HYCC2: variants seen among roughly 807,000 people sequenced by gnomAD.
HYCC2 encodes hyccin PI4KA lipid kinase complex subunit 2, also known as hyccin 2.
At chr2:201,036,114 C>T in the HYCC2 span, among the ~76,000 whole-genome samples, 51 of 152,116 alleles carry the variant, frequency 3.4e-4, no homozygotes, top group Non-Finnish European at 7.1e-4. Context: ...ATTATAAACA[C>T]CTCTACACAA....
At chr2:201,009,928 C>T in the HYCC2 span, among the ~76,000 whole-genome samples, 46 of 151,560 alleles carry the variant, frequency 3.0e-4, no homozygotes, top group African/African-American at 9.4e-4. Flanking sequence ...ACAGTGAAAC[C>T]CCATCTGCAC....
the HYCC2 span, chr2:201,022,775 T>A: frequency 9.5e-7 from 1 of 1,049,888 alleles, no homozygotes; most frequent in Non-Finnish European, 1.4e-6. Context: ...TTTATGTGTT[T>A]TGGTATACAT....
chr2:201,034,091 A>T, the HYCC2 span, among the ~76,000 whole-genome samples: 1 of 152,094 alleles, frequency 6.6e-6, no homozygotes, highest in Non-Finnish European at 1.5e-5. Context: ...CACCCATACC[A>T]CTTAAAAAAA....
chr2:201,027,516 G>A, the HYCC2 span, among the ~76,000 whole-genome samples: 8 of 152,054 alleles, frequency 5.3e-5, no homozygotes, highest in Non-Finnish European at 1.0e-4. Context: ...AACAAAAAAA[G>A]AGAATTTTAG....
the HYCC2 span, chr2:201,066,597 A>G: frequency 1.3e-5 from 2 of 152,248 alleles, no homozygotes; most frequent in Non-Finnish European, 2.9e-5. Flanking sequence ...CATTTTATAT[A>G]TAATATGGAA....
the HYCC2 span, among the ~76,000 whole-genome samples, chr2:201,055,478 C>T: frequency 6.6e-6 from 1 of 151,224 alleles, no homozygotes; most frequent in African/African-American, 2.4e-5. Flanking sequence ...GAAGCCAAAT[C>T]ATTTGAGCCC....
chr2:201,038,228 C>A, the HYCC2 span, among the ~76,000 whole-genome samples: 1 of 152,210 alleles, frequency 6.6e-6, no homozygotes, highest in East Asian at 1.9e-4. Context: ...GCGATCATTA[C>A]AAAGTCAGGA....
the HYCC2 span, among the ~76,000 whole-genome samples, chr2:201,040,688 T>C: frequency 1.3e-5 from 2 of 152,082 alleles, no homozygotes; most frequent in South Asian, 4.2e-4. Context: ...TTTCACCATG[T>C]TGGCCAGGCT....
the HYCC2 span, chr2:200,975,555 TA>T: frequency 6.6e-6 from 1 of 152,090 alleles, no homozygotes; most frequent in Non-Finnish European, 1.5e-5. Context: ...AAATCAATAT[TA>T]AACATAATAG....
chr2:201,004,253 T>C, the HYCC2 span, among the ~76,000 whole-genome samples: 8 of 152,200 alleles, frequency 5.3e-5, no homozygotes, highest in Non-Finnish European at 7.3e-5. Context: ...CTATGGGAAT[T>C]TGAAGCGTGC....
At chr2:200,987,298 G>C in the HYCC2 span, 25 of 1,225,498 alleles carry the variant, frequency 2.0e-5, no homozygotes, top group Non-Finnish European at 2.5e-5. Flanking sequence ...TCTGCTTGGG[G>C]ATAGAGAGCC....
At chr2:201,031,853 G>A in the HYCC2 span, among the ~76,000 whole-genome samples, 1 of 152,108 alleles carries the variant, frequency 6.6e-6, no homozygotes, top group Admixed American at 6.6e-5. Flanking sequence ...TTTCTGCAGA[G>A]ACTTGAAATA....
At chr2:201,052,308 A>G in the HYCC2 span, 1 of 152,962 alleles carries the variant, frequency 6.5e-6, no homozygotes, top group African/African-American at 2.4e-5. Flanking sequence ...AACACGGAAG[A>G]AAATATGAAA....
At chr2:200,983,544 C>T in the HYCC2 span, among the ~76,000 whole-genome samples, 1 of 152,146 alleles carries the variant, frequency 6.6e-6, no homozygotes, top group Non-Finnish European at 1.5e-5. Context: ...CATGCAAAGC[C>T]ATATGAAAAT....
the HYCC2 span, chr2:200,988,145 CA>C: frequency 8.9e-5 from 67 of 755,820 alleles, no homozygotes; most frequent in South Asian, 4.0e-4. Flanking sequence ...ATATTTTTAA[CA>C]AAAAAAATTA....
At chr2:201,000,165 G>A in the HYCC2 span, among the ~76,000 whole-genome samples, 2 of 151,086 alleles carry the variant, frequency 1.3e-5, no homozygotes, top group East Asian at 2.0e-4. Context: ...TTGAGCTCAC[G>A]CATTCAAGAG....
the HYCC2 span, among the ~76,000 whole-genome samples, chr2:201,033,186 T>A: frequency 1.4e-5 from 2 of 146,756 alleles, no homozygotes; most frequent in Non-Finnish European, 3.0e-5. Context: ...TGTGTGTGTG[T>A]GTGTGTGTGT....
the HYCC2 span, among the ~76,000 whole-genome samples, chr2:201,029,930 A>G: frequency 6.6e-6 from 1 of 151,974 alleles, no homozygotes; most frequent in East Asian, 1.9e-4. Context: ...AAAGCATATA[A>G]AAAAAAATTA....
the HYCC2 span, among the ~76,000 whole-genome samples, chr2:201,070,905 C>T: frequency 1.1e-4 from 16 of 152,156 alleles, no homozygotes; most frequent in Admixed American, 1.3e-4. Flanking sequence ...TGGCCACATT[C>T]ATCGCAAACT....
Sources: gnomAD v4.1 joint callset for allele counts (sites outside exome capture counted in the v4.1 genomes callset) on GRCh38, gnomAD v4.1.1 for gene constraint, MANE v1.5 for transcripts, NCBI Gene and HGNC (gene_info 2026-07-23, HGNC 2026-07-21) for gene names.